Variants in PTP4A2 observed in about 807,000 individuals in gnomAD.
PTP4A2 encodes the protein protein tyrosine phosphatase type IVA 2.
In PTP4A2, 2 loss-of-function variants were observed where a neutral mutation model predicts 22.9. The ratio of observed to expected loss-of-function variants is 0.09; its 90% CI spans 0.04 to 0.27. PTP4A2 has a LOEUF of 0.27. Among genes scored for constraint, PTP4A2 ranks in the 10% least tolerant of loss-of-function variants. The pLI, the probability that PTP4A2 is intolerant of heterozygous loss-of-function variation, is 1.00. For missense variants in PTP4A2, 103 were observed against 205.1 expected (o/e 0.50, Z 3.04); for synonymous variants, 68 against 69.1 (o/e 0.98, Z 0.08).
intron 3 of PTP4A2, chr1:31,912,997 C>T: frequency 2.2e-6 from 1 of 454,544 alleles, no homozygotes; most frequent in Non-Finnish European, 4.4e-6. Context: ...CAAGAGCTTA[C>T]TTCCTCTAAT....
Position 31,908,433 on chromosome 1 carries a change from C to G in PTP4A2, c.*419G>C, listed in dbSNP as rs1256312786. On this transcript the variant is annotated 3_prime_UTR_variant, in exon 6 of 6. Coordinates refer to ENST00000647444, the MANE Select transcript of PTP4A2 (RefSeq NM_080391.4). ...CACAAAAAAAGGGAAAAAAAAAATC[C>G]CACCACAGGGAGATCTATGTGCCAA... The G allele has an allele frequency of 6.6e-6, 1 of 150,654 alleles. No individual in the cohort carries two copies. Among genetic ancestry groups the G allele is most frequent in the African/African-American group, 2.5e-5 (1 of 40,810 alleles). 9.3% of individuals were successfully genotyped at this position (150,654 alleles called of 1,614,324 possible).
Position 31,919,018 on chromosome 1 carries a change from A to G in PTP4A2, c.48T>C (p.Phe16=), listed in dbSNP as rs1341114915. 1 of 1,609,626 alleles carries G rather than the reference A, an allele frequency of 6.2e-7. No homozygotes were observed. The highest frequency in any genetic ancestry group is 1.1e-5 in the South Asian group (1 of 90,924). The change falls in exon 2 of 6, where the codon TTT becomes TTC. Residue 16 remains phenylalanine, a synonymous_variant. Coordinates refer to ENST00000647444, the MANE Select transcript of PTP4A2 (RefSeq NM_080391.4). ...CATTGGTAGGGTTGTGAGTTATCAGAAAACGCATGTTCTCATAGGAGATCT... is the reference window on the plus strand; with the variant it reads ...CATTGGTAGGGTTGTGAGTTATCAGGAAACGCATGTTCTCATAGGAGATCT... The part of the protein sequence containing the change: ...PVEISYENMR[F]LITHNPTNAT...
chr1:31,924,028 C>A (rs1017737666), intron 1 of PTP4A2: 4 of 152,176 alleles, frequency 2.6e-5, no homozygotes, highest in African/African-American at 9.7e-5. Flanking sequence ...CTATTTGAAT[C>A]CCTTTGGTTC....
At position 31,907,535 on chromosome 1, in the gene PTP4A2, C is replaced by T. The variant is rs1257287173; in HGVS notation, c.*1317G>A. The T allele has an allele frequency of 6.6e-6, 1 of 152,066 alleles. No individual in the cohort carries two copies. The highest frequency in any genetic ancestry group is 2.4e-5 in the African/African-American group (1 of 41,384). 9.4% of individuals were successfully genotyped at this position (152,066 alleles called of 1,614,324 possible). A position where few individuals can be genotyped will look rare whatever the true frequency, so the allele number is the denominator to read the frequency against. Reference sequence around the variant, plus strand: ...GTTATGGCCTGTGGACACATACTCACTAGGCATCATTGTTGGTTTTAAACC... The same window carrying T: ...GTTATGGCCTGTGGACACATACTCATTAGGCATCATTGTTGGTTTTAAACC... On this transcript the variant is annotated 3_prime_UTR_variant, in exon 6 of 6. Transcript: ENST00000647444.
chr1:31,930,563 T>C (rs545646286), intron 1 of PTP4A2, among the ~76,000 whole-genome samples: 1 of 152,296 alleles, frequency 6.6e-6, no homozygotes, highest in East Asian at 1.9e-4. Context: ...GCCCCAGAAA[T>C]GTTTCTGCTG....
rs377229712 is a variant in PTP4A2 at position 31,908,976 on chromosome 1, T to C, written c.396-16A>G. On this transcript the variant is annotated splice_polypyrimidine_tract_variant and intron_variant, in intron 5 of 5. Transcript: ENST00000647444. ...CCTTCTTTTTCTGAAAATACAAGAA[T>C]GGCAAACTTTATCATGTAAAAAAAG... The C allele has an allele frequency of 9.0e-6, 14 of 1,561,062 alleles. No individual in the cohort carries two copies. The highest frequency in any genetic ancestry group is 2.2e-5 in the East Asian group (1 of 44,604).
chr1:31,918,317 T>C (rs933988493), intron 2 of PTP4A2, among the ~76,000 whole-genome samples: 13 of 151,610 alleles, frequency 8.6e-5, no homozygotes, highest in South Asian at 2.1e-4. Flanking sequence ...CTCCTACCAA[T>C]AGAAAAAATA....
intron 5 of PTP4A2, among the ~76,000 whole-genome samples, chr1:31,909,694 G>A (rs1651432526): frequency 6.6e-6 from 1 of 151,346 alleles, no homozygotes; most frequent in Admixed American, 6.6e-5. Context: ...AAGAGTCTCA[G>A]GTGATTAACT....
At position 31,906,778 on chromosome 1, in the gene PTP4A2, ACACACACACC is replaced by A. The variant is rs572566397; in HGVS notation, c.*2064_*2073del. 66 of 146,626 alleles carry A rather than the reference ACACACACACC, an allele frequency of 4.5e-4. No individual in the cohort carries two copies. Among genetic ancestry groups the A allele is most frequent in the South Asian group, 2.4e-3 (10 of 4,100 alleles). The allele number at this position is 146,626 out of a possible 1,614,324, so 9.1% of individuals were successfully genotyped here. A position where few individuals can be genotyped will look rare whatever the true frequency, so the allele number is the denominator to read the frequency against. On this transcript the variant is annotated 3_prime_UTR_variant, in exon 6 of 6. Coordinates refer to ENST00000647444, the MANE Select transcript of PTP4A2 (RefSeq NM_080391.4). ...CATACACACACACACACACACACAC[ACACACACACC>A]CCCTCCCCCCAAACAACAAAATTCA... is the stretch of plus-strand genomic sequence containing the variant.
chr1:31,926,456 ACAAT>A (rs1229494056), intron 1 of PTP4A2, among the ~76,000 whole-genome samples: 1 of 152,156 alleles, frequency 6.6e-6, no homozygotes, highest in East Asian at 1.9e-4. Flanking sequence ...CTTGGTTTCA[ACAAT>A]CAGTCAACAT....
intron 1 of PTP4A2, among the ~76,000 whole-genome samples, chr1:31,926,783 A>G (rs1009328641): frequency 6.6e-6 from 1 of 152,190 alleles, no homozygotes; most frequent in African/African-American, 2.4e-5. Flanking sequence ...TAAAAATGTC[A>G]CTGCTCTGGA....
intron 1 of PTP4A2, among the ~76,000 whole-genome samples, chr1:31,922,616 TTCTTTCTTTC>T (rs1652225913): frequency 1.3e-5 from 2 of 150,788 alleles, no homozygotes; most frequent in Non-Finnish European, 2.9e-5. Context: ...CTTTCTTTCT[TTCTTTCTTTC>T]TTTCTTTCTT....
At chr1:31,922,638 T>TTTCTTTCTTTCTTTC (rs1652237333) in intron 1 of PTP4A2, among the ~76,000 whole-genome samples, 2 of 138,746 alleles carry the variant, frequency 1.4e-5, no homozygotes, top group Admixed American at 7.7e-5. Context: ...TTCTTTCTTT[T>TTTCTTTCTTTCTTTC]ATTTATTTTG....
At chr1:31,931,784 T>C (rs1652738403) in intron 1 of PTP4A2, among the ~76,000 whole-genome samples, 3 of 152,214 alleles carry the variant, frequency 2.0e-5, no homozygotes, top group Admixed American at 2.0e-4. Flanking sequence ...ATAATGTCAC[T>C]AGAATCTATT....
chr1:31,907,048 TAC>T lies in PTP4A2; in HGVS notation c.*1802_*1803del, dbSNP rs1372658728. Reference sequence around the variant, plus strand: ...TTCTGGGATGGGAGAGGAGAGAATCTACAGATTTGCGTTTAGTTAAAAATCAA... The same window carrying T: ...TTCTGGGATGGGAGAGGAGAGAATCTAGATTTGCGTTTAGTTAAAAATCAA... On this transcript the variant is annotated 3_prime_UTR_variant, in exon 6 of 6. Transcript: ENST00000647444. 2.6e-5 allele frequency: 4 copies of T among 152,346 alleles called. No homozygotes were observed. Among genetic ancestry groups the T allele is most frequent in the Middle Eastern group, 3.4e-3 (1 of 294 alleles). 9.4% of individuals were successfully genotyped at this position (152,346 alleles called of 1,614,324 possible). A position where few individuals can be genotyped will look rare whatever the true frequency, so the allele number is the denominator to read the frequency against.
intron 2 of PTP4A2, among the ~76,000 whole-genome samples, chr1:31,916,373 GAAATC>G (rs1405850661): frequency 5.0e-4 from 39 of 77,236 alleles, no homozygotes; most frequent in African/African-American, 2.2e-3. Context: ...AAAAAAAAAA[GAAATC>G]TACTATTATA....
At chr1:31,932,185 G>C (rs1220748765) in intron 1 of PTP4A2, among the ~76,000 whole-genome samples, 1 of 152,144 alleles carries the variant, frequency 6.6e-6, no homozygotes, top group East Asian at 1.9e-4. Context: ...TAATTTATCT[G>C]ATCTGCTAAA....
chr1:31,924,340 TACATG>T (rs557814817), intron 1 of PTP4A2, among the ~76,000 whole-genome samples: 1 of 152,216 alleles, frequency 6.6e-6, no homozygotes, highest in African/African-American at 2.4e-5. Flanking sequence ...TTTTAACAGA[TACATG>T]ATAAAAACAA....
intron 1 of PTP4A2, among the ~76,000 whole-genome samples, chr1:31,920,087 T>C (rs576644147): frequency 7.0e-5 from 9 of 128,258 alleles, no homozygotes; most frequent in Admixed American, 1.7e-4. Context: ...GATGGCACCA[T>C]TGCACTCCAG....
Sources: gnomAD v4.1 joint callset for allele counts (sites outside exome capture counted in the v4.1 genomes callset) on GRCh38, gnomAD v4.1.1 for gene constraint, MANE v1.5 for transcripts, NCBI Gene and HGNC (gene_info 2026-07-23, HGNC 2026-07-21) for gene names.